The following OBSL1 variants were observed in gnomAD, a reference collection of about 807,000 sequenced individuals.
The protein encoded by OBSL1 is obscurin-like protein 1.
A neutral mutation model predicts 172.0 loss-of-function variants in OBSL1; 160 were observed. The ratio of observed to expected loss-of-function variants is 0.93; its 90% CI spans 0.82 to 1.06. OBSL1 has a LOEUF of 1.06. Among genes scored for constraint, OBSL1 ranks in the 50% least tolerant of loss-of-function variants. OBSL1 has a pLI of 0.00. For synonymous variants in OBSL1, 1,200 were observed against 1,196.3 expected (o/e 1.00, Z -0.06); for missense variants, 2,681 against 2,715.4 (o/e 0.99, Z 0.28).
intron 18 of OBSL1, 127 bp downstream of exon 18, chr2:219,552,409 C>G: frequency 1.0e-6 from 1 of 966,946 alleles, no homozygotes; most frequent in East Asian, 2.7e-5. Context: ...AGAACAGGGA[C>G]GAGGCTCACA....
chr2:219,550,071 G>C, downstream of OBSL1: 2 of 599,050 alleles, frequency 3.3e-6, no homozygotes, highest in East Asian at 2.8e-5. Context: ...CTCGGGGTGT[G>C]AACCCCATTG....
chr2:219,551,505 C>G, intron 20 of OBSL1, 24 bp downstream of exon 20: 1 of 1,553,794 alleles, frequency 6.4e-7, no homozygotes, highest in South Asian at 1.2e-5. Context: ...ACCCTCCTGC[C>G]GCTGCCCAGT....
rs745830430 is a variant in OBSL1 at position 219,562,658 on chromosome 2, G to A, written c.2697C>T (p.Ile899=). ...CATACACCTTGCCGCTGGGATACAC[G>A]ATCCACGAGGAGACGTCTGGAGGAC... ...TVTITDVSSW[I]VYPSGKVYVA... The change falls in exon 8 of 21, where the codon ATC becomes ATT. Residue 899 remains isoleucine, a synonymous_variant. Coordinates refer to ENST00000404537, the MANE Select transcript of OBSL1 (RefSeq NM_015311.3). The A allele has an allele frequency of 8.9e-5, 139 of 1,553,654 alleles. No individual in the cohort carries two copies. The Admixed American group carries it at 1.9e-3, about 21-fold the overall frequency.
Position 219,563,549 on chromosome 2 carries a change from C to T in OBSL1, c.2486G>A (p.Cys829Tyr). The change falls in exon 7 of 21, where the codon TGT (cysteine) becomes TAT (tyrosine). Residue 829 changes from cysteine to tyrosine, a missense_variant. By Grantham distance (194) the Cys-to-Tyr change is radical (BLOSUM62 -2). Coordinates refer to ENST00000404537, the MANE Select transcript of OBSL1 (RefSeq NM_015311.3). ...AGGGGCGTCCTCTCGGTCCACCTCACAGGCCAGCATGACACACTCGGAAGT... is the reference window on the plus strand; with the variant it reads ...AGGGGCGTCCTCTCGGTCCACCTCATAGGCCAGCATGACACACTCGGAAGT... ...AITSECVMLACEVDREDAPVR... is the reference protein window; with the variant it reads ...AITSECVMLAYEVDREDAPVR... 6.2e-7 allele frequency: 1 copy of T among 1,613,942 alleles called. No homozygotes were observed. The highest frequency in any genetic ancestry group is 8.5e-7 in the Non-Finnish European group (1 of 1,179,884).
At chr2:219,553,524 T>A in intron 16 of OBSL1, 50 bp downstream of exon 16, 1 of 1,285,874 alleles carries the variant, frequency 7.8e-7, no homozygotes, top group Non-Finnish European at 1.1e-6. Context: ...TGGGGCATTA[T>A]TATCGTTGGT....
intron 8 of OBSL1, 177 bp from the exon 9 acceptor site, chr2:219,559,674 C>T (rs780369268): frequency 2.9e-5 from 17 of 595,432 alleles, no homozygotes; most frequent in Non-Finnish European, 4.9e-5. Context: ...GAGGGTGTTA[C>T]AGAATCCAGA....
rs2106100695 is a variant in OBSL1 at position 219,567,989 on chromosome 2, C to G, written c.1283-20G>C. ...TGGGCCCTGAGATGCGGACAGGAAT[C>G]CATCAACCTGGAATCTGAGCACCTG... On this transcript the variant is annotated intron_variant, in intron 2 of 20. Coordinates refer to ENST00000404537, the MANE Select transcript of OBSL1 (RefSeq NM_015311.3). The G allele has an allele frequency of 6.2e-7, 1 of 1,610,828 alleles. No homozygotes were observed. Among genetic ancestry groups the G allele is most frequent in the East Asian group, 2.2e-5 (1 of 44,794 alleles).
chr2:219,562,801 C>G (rs535443401), intron 7 of OBSL1, 127 bp from the exon 8 acceptor site: 1 of 961,418 alleles, frequency 1.0e-6, no homozygotes, highest in South Asian at 1.7e-5. Flanking sequence ...GAGACCAAAT[C>G]TCACAGCAGC....
rs376254367 is a variant in OBSL1, at chr2:219,559,408, G to A, written c.3043C>T (p.Arg1015Trp). 25 of 1,613,692 alleles carry A rather than the reference G, an allele frequency of 1.5e-5. No homozygotes were observed. The highest frequency in any genetic ancestry group is 3.3e-5 in the Admixed American group (2 of 59,980). ...ECVVLMCELS[R>W]EDAPVRWYKD... ...TACCAGCGCACAGGGGCATCCTCCC[G>A]AGACAGTTCACACATCAGCACCACA... Residue 1015 changes from arginine to tryptophan, a missense_variant, in exon 9 of 21, where the codon CGG becomes TGG. Arg to Trp is a moderately radical substitution (Grantham distance 101, BLOSUM62 -3). Around this residue, in one of 5 missense-constraint regions of OBSL1, gnomAD observed 1,765 missense variants for 1,748.3 expected, o/e 1.01. Coordinates refer to ENST00000404537, the MANE Select transcript of OBSL1 (RefSeq NM_015311.3).
At chr2:219,549,455 G>A (rs191902746), downstream of OBSL1, 38 of 1,414,674 alleles carry the variant, frequency 2.7e-5, no homozygotes, top group Admixed American at 7.9e-4. Context: ...TATCTAGAAG[G>A]CCTGTTTGTC....
At chr2:219,560,630 G>T (rs569621709) in intron 8 of OBSL1, among the ~76,000 whole-genome samples, 1 of 152,150 alleles carries the variant, frequency 6.6e-6, no homozygotes, top group South Asian at 2.1e-4. Context: ...GGGGCTGGGG[G>T]TGGTTTATAG....
chr2:219,549,934 G>A (rs1451161936), downstream of OBSL1: 7 of 1,552,176 alleles, frequency 4.5e-6, no homozygotes, highest in East Asian at 1.1e-4. Context: ...TCAGCCTCCT[G>A]GCTTTGGCTG....
At chr2:219,549,998 C>A, downstream of OBSL1, 1 of 1,151,136 alleles carries the variant, frequency 8.7e-7, no homozygotes, top group Non-Finnish European at 1.2e-6. Context: ...GGAGGATTGT[C>A]TCAGGCGAGT....
intron 14 of OBSL1, chr2:219,555,608 C>T: frequency 9.9e-7 from 1 of 1,013,056 alleles, no homozygotes; most frequent in Non-Finnish European, 1.2e-6. Context: ...AGACTTGGCT[C>T]AAAGAGGTTA....
Position 219,570,281 on chromosome 2 carries a change from C to A in OBSL1, c.952G>T (p.Val318Phe). 6.2e-7 allele frequency: 1 copy of A among 1,606,962 alleles called. No homozygotes were observed. Among genetic ancestry groups the A allele is most frequent in the Non-Finnish European group, 8.5e-7 (1 of 1,175,238 alleles). Residue 318 changes from valine to phenylalanine, a missense_variant, in exon 1 of 21, where the codon GTC (valine) becomes TTC (phenylalanine). Val to Phe is a conservative substitution (Grantham distance 50, BLOSUM62 -1). This residue lies in a region of OBSL1 where 706 missense variants were observed against 695.8 expected (regional missense o/e 1.01). Coordinates refer to ENST00000404537, the MANE Select transcript of OBSL1 (RefSeq NM_015311.3). ...CCCGCCGAGTTGCGCGCGGCGCAGA[C>A]GTAGAGCCCACGATCCTTGGCCTGG... is the stretch of plus-strand genomic sequence containing the variant. ...YCQAKDRGLY[V>F]CAARNSAGQT...
chr2:219,570,206 C>A lies in OBSL1; in HGVS notation c.1012+15G>T. The A allele has an allele frequency of 6.6e-7, 1 of 1,522,298 alleles. No individual in the cohort carries two copies. Among genetic ancestry groups the A allele is most frequent in the Non-Finnish European group, 8.8e-7 (1 of 1,134,922 alleles). The allele number at this position is 1,522,298 out of a possible 1,614,324, so 94.3% of individuals were successfully genotyped here. A position where few individuals can be genotyped will look rare whatever the true frequency, so the allele number is the denominator to read the frequency against. On this transcript the variant is annotated intron_variant, in intron 1 of 20. Coordinates refer to ENST00000404537, the MANE Select transcript of OBSL1 (RefSeq NM_015311.3). ...ACACTCGAGGCCCCTCCCTAGGTCC[C>A]GGGCTCCGCCGTACCTTTCACGTGC...
rs1695556827 is a variant in OBSL1 at position 219,550,761 on chromosome 2, C to T, written c.*74G>A. The T allele has an allele frequency of 1.3e-5, 20 of 1,565,546 alleles. No individual in the cohort carries two copies. The East Asian group carries it at 4.4e-4, about 34-fold the overall frequency. ...AGCACTTTTATTGTTCCTTGTCTCT[C>T]TACCCCTGCCCAGGGTAAGGGCAAA... On this transcript the variant is annotated 3_prime_UTR_variant, in exon 21 of 21. Coordinates refer to ENST00000404537, the MANE Select transcript of OBSL1 (RefSeq NM_015311.3).
intron 14 of OBSL1, chr2:219,555,663 T>C: frequency 1.9e-6 from 2 of 1,078,974 alleles, no homozygotes; most frequent in Non-Finnish European, 2.2e-6. Flanking sequence ...CAGCTTTGGG[T>C]GGGAGGTGTG....
At position 219,570,746 on chromosome 2, in the gene OBSL1, T is replaced by C; in HGVS notation, c.487A>G (p.Lys163Glu). Residue 163 changes from lysine to glutamate, a missense_variant, in exon 1 of 21, where the codon AAG becomes GAG. Transcript: ENST00000404537. ...GLPEPTLYWE[K>E]DGMALDEVWD... ...ACTTCGTCCAGGGCCATCCCGTCCT[T>C]CTCCCAGTACAGTGTGGGCTCGGGG... 1 of 1,510,448 alleles carries C rather than the reference T, an allele frequency of 6.6e-7. No individual in the cohort carries two copies. Among genetic ancestry groups the C allele is most frequent in the East Asian group, 2.7e-5 (1 of 36,958 alleles). The allele number at this position is 1,510,448 out of a possible 1,614,324, so 93.6% of individuals were successfully genotyped here.
Sources: allele counts gnomAD v4.1 joint callset (sites outside exome capture counted in the v4.1 genomes callset), GRCh38; gene constraint gnomAD v4.1.1; regional missense constraint gnomAD v4.1.1; transcripts MANE v1.5; gene names NCBI Gene and HGNC (gene_info 2026-07-23, HGNC 2026-07-21).